GGT7: variants seen among roughly 807,000 people sequenced by gnomAD.
GGT7 encodes the protein gamma-glutamyltransferase 7.
GGT7 carries 30 observed loss-of-function variants against 69.2 expected under a neutral mutation model. The observed-to-expected ratio is 0.43, with a 90% CI of 0.32 to 0.59. GGT7 has a LOEUF of 0.59. Ranked by LOEUF, GGT7 falls within the 20% of genes least tolerant of loss-of-function variation. The probability of loss-of-function intolerance (pLI) is 0.05; values close to 1 mark genes in which losing one functional copy is unlikely to be tolerated. For synonymous variants in GGT7, 388 were observed against 391.8 expected, an observed-to-expected ratio of 0.99 and a Z score of 0.12; for missense variants, 733 against 901.1, an observed-to-expected ratio of 0.81 and a Z score of 2.39.
intron 14 of GGT7, among the ~76,000 whole-genome samples, chr20:34,847,619 C>T (rs532846559): frequency 2.0e-5 from 3 of 152,314 alleles, no homozygotes; most frequent in Non-Finnish European, 4.4e-5. Context: ...CTAACGCTTC[C>T]TAATCTCCTT....
At position 34,863,624 on chromosome 20, in the gene GGT7, C is replaced by G; in HGVS notation, c.170-76G>C. On this transcript the variant is annotated intron_variant, in intron 1 of 14. Coordinates refer to ENST00000336431, the MANE Select transcript of GGT7 (RefSeq NM_178026.3). This position sits in a 1 kb window ranked among gnomAD's most constrained non-coding sequence, Gnocchi z 4.4. ...CCACCCTCCAGGTGGGACTATTCAGCGCTTTCCCTGCCCCGCCCCTGCCAC... is the reference window on the plus strand; with the variant it reads ...CCACCCTCCAGGTGGGACTATTCAGGGCTTTCCCTGCCCCGCCCCTGCCAC... The G allele has an allele frequency of 7.2e-6, 7 of 974,518 alleles. No homozygotes were observed. The highest frequency in any genetic ancestry group is 1.6e-5 in the African/African-American group (1 of 62,404). 60.4% of individuals were successfully genotyped at this position (974,518 alleles called of 1,614,324 possible).
chr20:34,845,207 A>C lies in GGT7; in HGVS notation c.*121T>G. On this transcript the variant is annotated 3_prime_UTR_variant, in exon 15 of 15. Coordinates refer to ENST00000336431, the MANE Select transcript of GGT7 (RefSeq NM_178026.3). ...TACTCTGGGATTGGGTTTGCTAAGC[A>C]TCCCCTCTGGCCCCTGATCTGGGGC... 1 of 776,014 alleles carries C rather than the reference A, an allele frequency of 1.3e-6. No individual in the cohort carries two copies. Among genetic ancestry groups the C allele is most frequent in the Non-Finnish European group, 1.9e-6 (1 of 524,572 alleles). 48.1% of individuals were successfully genotyped at this position (776,014 alleles called of 1,614,324 possible). A position where few individuals can be genotyped will look rare whatever the true frequency, so the allele number is the denominator to read the frequency against.
chr20:34,845,425 A>G lies in GGT7; in HGVS notation c.1892T>C (p.Val631Ala). The change falls in exon 15 of 15, where the codon GTC (valine) becomes GCC (alanine). Residue 631 changes from valine to alanine, a missense_variant. By Grantham distance (64) the Val-to-Ala change is moderately conservative. Coordinates refer to ENST00000336431, the MANE Select transcript of GGT7 (RefSeq NM_178026.3). ...ARGHHVEKVD[V>A]LSWVHGSRRT... is the part of the protein sequence containing the mutation. ...TCGGCTGCCATGGACCCAGGATAAG[A>G]CATCTACTTTCTCCACGTGGTGACC... 6.2e-7 allele frequency: 1 copy of G among 1,614,076 alleles called. No homozygotes were observed. The highest frequency in any genetic ancestry group is 8.5e-7 in the Non-Finnish European group (1 of 1,179,954).
intron 13 of GGT7, chr20:34,850,928 G>A: frequency 1.5e-6 from 1 of 661,744 alleles, no homozygotes. Context: ...CTGGGTAGAG[G>A]TATAATGGGA....
At position 34,852,453 on chromosome 20, in the gene GGT7, C is replaced by T. The variant is rs760956407; in HGVS notation, c.1405G>A (p.Gly469Arg). The part of the protein sequence containing the change: ...APLLPVYELD[G>R]APTAAQVLIM... ...AGCACCTGGGCAGCCGTGGGAGCTC[C>T]GTCTAGTTCATAGACAGGCAGGAGT... The change falls in exon 11 of 15, where the codon GGA becomes AGA. Residue 469 changes from glycine to arginine, a missense_variant. Coordinates refer to ENST00000336431, the MANE Select transcript of GGT7 (RefSeq NM_178026.3). 6 of 1,613,604 alleles carry T rather than the reference C, an allele frequency of 3.7e-6. No homozygotes were observed. Among genetic ancestry groups the T allele is most frequent in the South Asian group, 2.2e-5 (2 of 91,006 alleles).
intron 7 of GGT7, among the ~76,000 whole-genome samples, chr20:34,857,821 G>A (rs970584038): frequency 2.6e-5 from 4 of 152,062 alleles, no homozygotes; most frequent in African/African-American, 9.7e-5. Context: ...GTCTCACTAT[G>A]TTGCCCAGGC....
At chr20:34,852,589 CCCA>C (rs140384476) in intron 10 of GGT7, 51 bp from the exon 11 acceptor site, 33,501 of 1,498,376 alleles carry the variant, frequency 0.022, 425 homozygotes, top group Non-Finnish European at 0.025. Flanking sequence ...CTCAATACAC[CCCA>C]CCTACCTCAC....
intron 1 of GGT7, among the ~76,000 whole-genome samples, chr20:34,868,764 G>A (rs994738443): frequency 6.6e-6 from 1 of 152,322 alleles, no homozygotes. Context: ...GAAAGAGAAA[G>A]GCTCCTCTTT....
chr20:34,845,847 C>T (rs919060603), intron 14 of GGT7, among the ~76,000 whole-genome samples: 1 of 151,954 alleles, frequency 6.6e-6, no homozygotes, highest in African/African-American at 2.4e-5. Flanking sequence ...ATCACTTGAG[C>T]CCAGGAGTTT....
chr20:34,859,455 C>T lies in GGT7; in HGVS notation c.1002G>A (p.Glu334=). ...AFYAGGNLTL[E]MVAEAQHAGG... is the part of the protein sequence containing the mutation. ...CACGAGCACTTACCTCGGCCACCAT[C>T]TCCAGTGTGAGGTTGCCACCTGCGT... Residue 334 remains glutamate (E), a synonymous_variant, in exon 7 of 15, where the codon GAG becomes GAA. Coordinates refer to ENST00000336431, the MANE Select transcript of GGT7 (RefSeq NM_178026.3). The T allele has an allele frequency of 5.0e-6, 8 of 1,586,344 alleles. No individual in the cohort carries two copies. Among genetic ancestry groups the T allele is most frequent in the Non-Finnish European group, 6.9e-6 (8 of 1,159,500 alleles).
chr20:34,858,904 C>T (rs1185525146), intron 7 of GGT7, among the ~76,000 whole-genome samples: 1 of 152,204 alleles, frequency 6.6e-6, no homozygotes, highest in Non-Finnish European at 1.5e-5. Flanking sequence ...GGCATGGGGG[C>T]TCACACCTGT....
At chr20:34,870,582 A>G (rs1326009655) in intron 1 of GGT7, among the ~76,000 whole-genome samples, 2 of 150,078 alleles carry the variant, frequency 1.3e-5, no homozygotes, top group Non-Finnish European at 3.0e-5. Flanking sequence ...CCTCTGCCTC[A>G]GCCTCCTGAG....
At chr20:34,871,856 G>A (rs755271902) in intron 1 of GGT7, among the ~76,000 whole-genome samples, 6 of 152,194 alleles carry the variant, frequency 3.9e-5, no homozygotes, top group Non-Finnish European at 7.3e-5. Context: ...CTAGGAGGAA[G>A]AGCAGCAGGG....
rs532713899 is a variant in GGT7, at chr20:34,851,095, C to T, written c.1725+136G>A. 217 of 1,073,534 alleles carry T rather than the reference C, an allele frequency of 2.0e-4. No individual in the cohort carries two copies. The South Asian group carries it at 2.5e-3, about 13-fold the overall frequency. The allele number at this position is 1,073,534 out of a possible 1,614,324, so 66.5% of individuals were successfully genotyped here. On this transcript the variant is annotated intron_variant, in intron 13 of 14. Transcript: ENST00000336431. ...GCCCATGTCCACATTGCCCAGGATG[C>T]GCCTGGCACAAAACAGCCTCAGCCC... is the stretch of plus-strand genomic sequence containing the variant.
At chr20:34,850,613 T>C (rs1323258046) in intron 13 of GGT7, among the ~76,000 whole-genome samples, 3 of 152,220 alleles carry the variant, frequency 2.0e-5, no homozygotes, top group African/African-American at 7.2e-5. Context: ...CAGCACTTAG[T>C]ACGAACTCTT....
chr20:34,854,926 GA>G lies in GGT7; in HGVS notation c.1103-4del, dbSNP rs770966284. 1 of 1,613,474 alleles carries G rather than the reference GA, an allele frequency of 6.2e-7. No individual in the cohort carries two copies. Among genetic ancestry groups the G allele is most frequent in the Non-Finnish European group, 8.5e-7 (1 of 1,179,796 alleles). Reference sequence around the variant, plus strand: ...TGGGGGACTAAGAACCAGGTGGCCTGAAAGGACAGGAAGTGACTGATGGCAG... The same window carrying G: ...TGGGGGACTAAGAACCAGGTGGCCTGAAGGACAGGAAGTGACTGATGGCAG... On this transcript the variant is annotated splice_polypyrimidine_tract_variant and splice_region_variant and intron_variant, in intron 8 of 14. Transcript: ENST00000336431.
chr20:34,870,554 G>A (rs1021535252), intron 1 of GGT7, among the ~76,000 whole-genome samples: 3 of 151,980 alleles, frequency 2.0e-5, no homozygotes, highest in East Asian at 1.9e-4. Context: ...GCAATGGCGC[G>A]ATCTTCGCTC....
At chr20:34,849,803 T>C (rs2079359643) in intron 14 of GGT7, among the ~76,000 whole-genome samples, 158 bp downstream of exon 14, 1 of 152,210 alleles carries the variant, frequency 6.6e-6, no homozygotes, top group Admixed American at 6.5e-5. Context: ...CAAGACTGGT[T>C]CCAATCCCCA....
intron 7 of GGT7, 59 bp downstream of exon 7, chr20:34,859,384 G>T: frequency 7.4e-7 from 1 of 1,344,606 alleles, no homozygotes; most frequent in Non-Finnish European, 1.0e-6. Flanking sequence ...ATGCGGACGC[G>T]GATGTCCTGC....
Sources: gnomAD v4.1 joint callset for allele counts (sites outside exome capture counted in the v4.1 genomes callset) on GRCh38, gnomAD v4.1.1 for gene constraint, Gnocchi (gnomAD v3.1) non-coding constraint, MANE v1.5 for transcripts, NCBI Gene and HGNC (gene_info 2026-07-23, HGNC 2026-07-21) for gene names.